Variants in CPQ observed in about 807,000 individuals in gnomAD.
CPQ encodes the protein carboxypeptidase Q, also known as Ser-Met dipeptidase.
CPQ carries 37 observed loss-of-function variants against 45.7 expected under a neutral mutation model. That is an observed-to-expected ratio of 0.81 (90% CI 0.62 to 1.07). The LOEUF (loss-of-function observed/expected upper bound fraction) is 1.07, where lower values mean the gene tolerates loss of function less well. CPQ is among the 50% of genes least tolerant of loss of function. CPQ has a pLI of 0.00. For synonymous variants in CPQ, 186 were observed against 205.8 expected, an observed-to-expected ratio of 0.90 and a Z score of 0.82; for missense variants, 537 against 572.9, an observed-to-expected ratio of 0.94 and a Z score of 0.64.
intron 1 of CPQ, among the ~76,000 whole-genome samples, chr8:96,661,691 T>G (rs1199950126): frequency 6.6e-6 from 1 of 152,246 alleles, no homozygotes; most frequent in African/African-American, 2.4e-5. Context: ...GTTCACCTAC[T>G]GAAGATCATC....
rs536051775 is a variant in CPQ, at chr8:96,912,952, T to C, written c.849+32947T>C. ...CACATGCAGACATCTCATCTGATAA[T>C]GACATTCTCACTCTGTAGAGGCCAG... On this transcript the variant is annotated intron_variant, in intron 4 of 7. Transcript: ENST00000220763. 1.4e-3 allele frequency among the ~76,000 whole-genome samples: 216 copies of C among 152,260 alleles called. 1 individual carries two copies. Among genetic ancestry groups the C allele is most frequent in the Non-Finnish European group, 1.4e-3 (95 of 68,018 alleles).
Position 97,064,362 on chromosome 8 carries a change from A to G in CPQ, c.1054-1647A>G, listed in dbSNP as rs147133394. The stretch of plus-strand genomic sequence containing the variant: ...CAACCTGCTGACTTAGCATCAGTGT[A>G]CTAGTTAAATGAGCCCTGAATGTAA... On this transcript the variant is annotated intron_variant, in intron 6 of 7. Coordinates refer to ENST00000220763, the MANE Select transcript of CPQ (RefSeq NM_016134.4). 1.6e-4 allele frequency among the ~76,000 whole-genome samples: 24 copies of G among 152,318 alleles called. No individual in the cohort carries two copies. The East Asian group carries it at 4.4e-3, about 28-fold the overall frequency.
At chr8:96,907,111 G>T (rs1356321591) in intron 4 of CPQ, among the ~76,000 whole-genome samples, 2 of 152,104 alleles carry the variant, frequency 1.3e-5, no homozygotes, top group Admixed American at 1.3e-4. Context: ...ACTAATTAGG[G>T]TAAAGTATAG....
chr8:96,832,735 G>C (rs1443152262), intron 2 of CPQ, among the ~76,000 whole-genome samples: 1 of 152,166 alleles, frequency 6.6e-6, no homozygotes, highest in African/African-American at 2.4e-5. Context: ...GTGGGAAAAG[G>C]TGTCTGTATA....
At chr8:96,908,747 G>GCA (rs34425501) in intron 4 of CPQ, among the ~76,000 whole-genome samples, 1,706 of 140,950 alleles carry the variant, frequency 0.012, 20 homozygotes, top group Admixed American at 0.026. Flanking sequence ...ATACACATGC[G>GCA]CACACACACA....
intron 4 of CPQ, among the ~76,000 whole-genome samples, chr8:96,912,656 G>T (rs1488428719): frequency 6.6e-6 from 1 of 152,144 alleles, no homozygotes; most frequent in Non-Finnish European, 1.5e-5. Context: ...TAAAATAAAG[G>T]AATGTGAATT....
chr8:96,965,434 A>G (rs1468049442), intron 4 of CPQ, among the ~76,000 whole-genome samples: 3 of 141,466 alleles, frequency 2.1e-5, no homozygotes, highest in African/African-American at 8.0e-5. Context: ...CAGTGGCGCA[A>G]TCTCAGCTCA....
At chr8:96,703,470 A>G (rs1809495122) in intron 1 of CPQ, among the ~76,000 whole-genome samples, 1 of 152,190 alleles carries the variant, frequency 6.6e-6, no homozygotes, top group Non-Finnish European at 1.5e-5. Context: ...AAAATTTACA[A>G]GATAATCTAG....
At chr8:96,911,759 T>C (rs1352684204) in intron 4 of CPQ, among the ~76,000 whole-genome samples, 1 of 152,232 alleles carries the variant, frequency 6.6e-6, no homozygotes, top group Admixed American at 6.5e-5. Context: ...ATGTAAATAT[T>C]GACATTCTCA....
chr8:96,812,225 C>A (rs1317540617), intron 2 of CPQ, among the ~76,000 whole-genome samples: 1 of 152,184 alleles, frequency 6.6e-6, no homozygotes, highest in African/African-American at 2.4e-5. Flanking sequence ...AAACCAGCAT[C>A]ATAACTTCTC....
intron 3 of CPQ, among the ~76,000 whole-genome samples, chr8:96,852,456 C>T (rs1317926815): frequency 6.6e-6 from 1 of 152,106 alleles, no homozygotes; most frequent in East Asian, 1.9e-4. Context: ...TCCTTCCTTC[C>T]CCACCTTCCA....
chr8:96,929,113 T>G (rs557676483), intron 4 of CPQ, among the ~76,000 whole-genome samples: 1 of 152,350 alleles, frequency 6.6e-6, no homozygotes, highest in Admixed American at 6.5e-5. Context: ...TTTTGAATGA[T>G]GGAAGATAAT....
rs114676489 is a variant in CPQ at position 96,699,796 on chromosome 8, C to T, written c.-35+54394C>T. ...AACTATAAATAACTGGGGTCAGACA[C>T]CTCCCCCAGAGATCAGTGAGAGGTG... is the stretch of plus-strand genomic sequence containing the variant. On this transcript the variant is annotated intron_variant, in intron 1 of 7. Transcript: ENST00000220763. 6.4e-3 allele frequency among the ~76,000 whole-genome samples: 972 copies of T among 152,236 alleles called. 5 individuals carry two copies. The highest frequency in any genetic ancestry group is 0.018 in the African/African-American group (753 of 41,538).
intron 1 of CPQ, among the ~76,000 whole-genome samples, chr8:96,742,338 C>T (rs1020290185): frequency 3.3e-5 from 5 of 152,174 alleles, no homozygotes; most frequent in African/African-American, 1.2e-4. Context: ...GTAGATCTTT[C>T]TCCATCCTTT....
At chr8:96,756,094 ACTATAGACTTTAT>A (rs1379468646) in intron 1 of CPQ, among the ~76,000 whole-genome samples, 3 of 152,078 alleles carry the variant, frequency 2.0e-5, no homozygotes, top group African/African-American at 7.2e-5. Flanking sequence ...TTAATTAGTA[ACTATAGACTTTAT>A]CTATTGATTC....
intron 1 of CPQ, among the ~76,000 whole-genome samples, chr8:96,692,184 A>G (rs1229774663): frequency 1.3e-5 from 2 of 152,202 alleles, no homozygotes; most frequent in Non-Finnish European, 2.9e-5. Flanking sequence ...ACCTAAGACA[A>G]GCTTGAGACA....
At position 97,005,680 on chromosome 8, in the gene CPQ, G is replaced by A. The variant is rs548044477; in HGVS notation, c.962-23723G>A. ...TAGCTTAGATCCTAAACTATTCTACGCAAGTTTTTGATGGGCTCTAACATG... is the reference window on the plus strand; with the variant it reads ...TAGCTTAGATCCTAAACTATTCTACACAAGTTTTTGATGGGCTCTAACATG... On this transcript the variant is annotated intron_variant, in intron 5 of 7. Coordinates refer to ENST00000220763, the MANE Select transcript of CPQ (RefSeq NM_016134.4). Among the ~76,000 whole-genome samples, 31 of 152,198 alleles carry A rather than the reference G, an allele frequency of 2.0e-4. No individual in the cohort carries two copies. In the South Asian group the frequency reaches 5.8e-3, roughly 29 times the overall value.
intron 4 of CPQ, among the ~76,000 whole-genome samples, chr8:96,911,334 GT>G (rs1349134809): frequency 1.3e-4 from 20 of 152,226 alleles, no homozygotes; most frequent in Admixed American, 8.5e-4. Flanking sequence ...TTCCTGCCAA[GT>G]TTATGTTTAG....
At chr8:96,784,471 C>G (rs1810732745) in intron 1 of CPQ, among the ~76,000 whole-genome samples, 2 of 151,692 alleles carry the variant, frequency 1.3e-5, no homozygotes, top group Admixed American at 1.3e-4. Context: ...GTCTGACAGG[C>G]AAAGAGGAGA....
Sources: allele counts gnomAD v4.1 joint callset (sites outside exome capture counted in the v4.1 genomes callset), GRCh38; gene constraint gnomAD v4.1.1; transcripts MANE v1.5; gene names NCBI Gene and HGNC (gene_info 2026-07-23, HGNC 2026-07-21).